KCND2: variants seen among roughly 807,000 people sequenced by gnomAD.
KCND2 encodes the protein potassium voltage-gated channel subfamily D member 2.
KCND2 carries 16 observed loss-of-function variants against 54.4 expected under a neutral mutation model. The ratio of observed to expected loss-of-function variants is 0.29; its 90% CI spans 0.20 to 0.45. The LOEUF (loss-of-function observed/expected upper bound fraction) is 0.45, where lower values mean the gene tolerates loss of function less well. Among genes scored for constraint, KCND2 ranks in the 20% least tolerant of loss-of-function variants. The pLI, the probability that KCND2 is intolerant of heterozygous loss-of-function variation, is 1.00. For missense variants in KCND2, 486 were observed against 824.2 expected, an observed-to-expected ratio of 0.59 and a Z score of 5.02; for synonymous variants, 317 against 310.7, an observed-to-expected ratio of 1.02 and a Z score of -0.21.
chr7:120,617,229 T>C (rs1793037840), intron 1 of KCND2, among the ~76,000 whole-genome samples: 1 of 152,196 alleles, frequency 6.6e-6, no homozygotes, highest in African/African-American at 2.4e-5. Context: ...AAAATACCAG[T>C]TGTATGCCAG....
rs942375044 is a variant in KCND2, at chr7:120,747,916, A to G, written c.*58A>G. ...CCCTGGCTGTGAAAAGAATCTCAAC[A>G]TAGAAGAAAGAAGAAACAATAAATA... On this transcript the variant is annotated 3_prime_UTR_variant, in exon 6 of 6. Coordinates refer to ENST00000331113, the MANE Select transcript of KCND2 (RefSeq NM_012281.3). 24 of 1,309,542 alleles carry G rather than the reference A, an allele frequency of 1.8e-5. No homozygotes were observed. The highest frequency in any genetic ancestry group is 2.5e-5 in the Non-Finnish European group (23 of 916,426). The allele number at this position is 1,309,542 out of a possible 1,614,324, so 81.1% of individuals were successfully genotyped here. A position where few individuals can be genotyped will look rare whatever the true frequency, so the allele number is the denominator to read the frequency against.
intron 1 of KCND2, among the ~76,000 whole-genome samples, chr7:120,681,960 TAGATA>T (rs1792145127): frequency 6.6e-6 from 1 of 151,992 alleles, no homozygotes; most frequent in Non-Finnish European, 1.5e-5. Context: ...AAACTCTAAG[TAGATA>T]ATAGTTCAAT....
intron 1 of KCND2, among the ~76,000 whole-genome samples, chr7:120,473,017 G>T (rs1488896312): frequency 6.6e-6 from 1 of 152,178 alleles, no homozygotes; most frequent in African/African-American, 2.4e-5. Context: ...ATGGCTGGAG[G>T]CTGACCCTGG....
Position 120,479,718 on chromosome 7 carries a change from C to T in KCND2, c.1115+203971C>T, listed in dbSNP as rs138691415. Among the ~76,000 whole-genome samples, 913 of 146,104 alleles carry T rather than the reference C, an allele frequency of 6.2e-3. 8 individuals carry two copies. The highest frequency in any genetic ancestry group is 0.021 in the African/African-American group (824 of 39,722). ...CCAAGATGGGCTGATCACTTGAGGC[C>T]GGGAGTTCAAGACCAGCCTGGCCAA... On this transcript the variant is annotated intron_variant, in intron 1 of 5. Coordinates refer to ENST00000331113, the MANE Select transcript of KCND2 (RefSeq NM_012281.3).
chr7:120,578,970 T>G (rs866623216), intron 1 of KCND2, among the ~76,000 whole-genome samples: 6 of 148,536 alleles, frequency 4.0e-5, no homozygotes, highest in Non-Finnish European at 5.9e-5. Context: ...AATAAAGAAA[T>G]AAAGTTTGTA....
chr7:120,610,335 A>T (rs1792936813), intron 1 of KCND2, among the ~76,000 whole-genome samples: 1 of 152,160 alleles, frequency 6.6e-6, no homozygotes, highest in Non-Finnish European at 1.5e-5. Flanking sequence ...GATCGTTGAA[A>T]CATTTAAGAA....
At chr7:120,661,372 G>A (rs1385708472) in intron 1 of KCND2, among the ~76,000 whole-genome samples, 1 of 152,164 alleles carries the variant, frequency 6.6e-6, no homozygotes, top group Non-Finnish European at 1.5e-5. Context: ...AAGGAGGCCA[G>A]GCACTGTGGC....
At chr7:120,659,591 G>A (rs1791842076) in intron 1 of KCND2, among the ~76,000 whole-genome samples, 1 of 152,166 alleles carries the variant, frequency 6.6e-6, no homozygotes, top group Admixed American at 6.6e-5. Context: ...TTAAGATGTA[G>A]TGTTCATTGC....
chr7:120,619,865 T>C (rs1793075718), intron 1 of KCND2, among the ~76,000 whole-genome samples: 1 of 152,184 alleles, frequency 6.6e-6, no homozygotes, highest in Non-Finnish European at 1.5e-5. Context: ...GAAAATTGAA[T>C]ATCTAATTAT....
chr7:120,625,708 G>A (rs1793155680), intron 1 of KCND2, among the ~76,000 whole-genome samples: 2 of 152,066 alleles, frequency 1.3e-5, no homozygotes, highest in South Asian at 2.1e-4. Context: ...TTTTTGAATT[G>A]TGAAATCTGA....
intron 1 of KCND2, among the ~76,000 whole-genome samples, chr7:120,660,757 C>T (rs1161193340): frequency 6.6e-6 from 1 of 152,116 alleles, no homozygotes; most frequent in Admixed American, 6.5e-5. Flanking sequence ...GTGCTCTTGG[C>T]CTCAGTTAAT....
chr7:120,566,177 A>G (rs925351739), intron 1 of KCND2, among the ~76,000 whole-genome samples: 4 of 152,216 alleles, frequency 2.6e-5, no homozygotes, highest in African/African-American at 9.6e-5. Context: ...TTACCCTGAA[A>G]TAACAGAGTT....
intron 2 of KCND2, among the ~76,000 whole-genome samples, chr7:120,736,221 A>G (rs1382706289): frequency 6.6e-6 from 1 of 152,046 alleles, no homozygotes; most frequent in Non-Finnish European, 1.5e-5. Context: ...ACTATCAGAA[A>G]TACTTTCCTT....
chr7:120,719,655 A>G (rs767279804), intron 1 of KCND2, among the ~76,000 whole-genome samples: 1 of 152,146 alleles, frequency 6.6e-6, no homozygotes, highest in African/African-American at 2.4e-5. Context: ...ATGTTTAGCT[A>G]TAGACTTTCA....
intron 1 of KCND2, among the ~76,000 whole-genome samples, chr7:120,566,538 G>T (rs1037660985): frequency 1.3e-5 from 2 of 151,908 alleles, no homozygotes; most frequent in Non-Finnish European, 1.5e-5. Context: ...ACACAACAGG[G>T]TCTTGCTATA....
chr7:120,447,808 T>C (rs1312604361), intron 1 of KCND2, among the ~76,000 whole-genome samples: 2 of 152,132 alleles, frequency 1.3e-5, no homozygotes, highest in Non-Finnish European at 2.9e-5. Context: ...TGGATATGAT[T>C]ATATTTTTAA....
At position 120,318,708 on chromosome 7, in the gene KCND2, C is replaced by T. The variant is rs78797682; in HGVS notation, c.1115+42961C>T. ...AGTGCTTCAGGATTAACTTCCAGGT[C>T]TCATGTTATGAAGAAATACCAGGAA... On this transcript the variant is annotated intron_variant, in intron 1 of 5. Coordinates refer to ENST00000331113, the MANE Select transcript of KCND2 (RefSeq NM_012281.3). 2.6e-4 allele frequency among the ~76,000 whole-genome samples: 39 copies of T among 152,124 alleles called. No homozygotes were observed. The East Asian group carries it at 4.6e-3, about 18-fold the overall frequency.
intron 1 of KCND2, among the ~76,000 whole-genome samples, chr7:120,443,070 A>G (rs2116198361): frequency 6.6e-6 from 1 of 152,136 alleles, no homozygotes; most frequent in South Asian, 2.1e-4. Flanking sequence ...CCTTCTAGTC[A>G]TGAACAACCT....
At chr7:120,385,728 A>G (rs1437277349) in intron 1 of KCND2, among the ~76,000 whole-genome samples, 1 of 152,180 alleles carries the variant, frequency 6.6e-6, no homozygotes, top group Admixed American at 6.5e-5. Context: ...GTCTAGTTCA[A>G]GACAACATTA....
Sources: gnomAD v4.1 joint callset for allele counts (sites outside exome capture counted in the v4.1 genomes callset) on GRCh38, gnomAD v4.1.1 for gene constraint, MANE v1.5 for transcripts, NCBI Gene and HGNC (gene_info 2026-07-23, HGNC 2026-07-21) for gene names.